Variants in GLI2 observed in about 807,000 individuals in gnomAD.
The protein encoded by GLI2 is GLI family zinc finger 2, also known as transcription activator GLI2.
In GLI2, 22 loss-of-function variants were observed where a neutral mutation model predicts 78.9. That is an observed-to-expected ratio of 0.28 (90% confidence interval 0.20 to 0.40). The LOEUF is 0.40. Ranked by LOEUF, GLI2 falls within the 10% of genes least tolerant of loss-of-function variation. The pLI is 1.00. For synonymous variants in GLI2, 974 were observed against 963.7 expected (o/e 1.01, Z -0.20); for missense variants, 2,097 against 2,213.2 (o/e 0.95, Z 1.05).
intron 3 of GLI2, among the ~76,000 whole-genome samples, chr2:120,946,092 A>G (rs1680697788): frequency 6.6e-6 from 1 of 151,894 alleles, no homozygotes; most frequent in African/African-American, 2.4e-5. Flanking sequence ...CCCTAATGTC[A>G]CCTTCTCTGA....
chr2:120,796,228 C>A (rs1458160891), intron 1 of GLI2, among the ~76,000 whole-genome samples: 1 of 152,152 alleles, frequency 6.6e-6, no homozygotes, highest in Non-Finnish European at 1.5e-5. Flanking sequence ...CACTTTCCAT[C>A]CCTCCTTATC....
At chr2:120,743,425 G>A (rs970743291) in intron 1 of GLI2, among the ~76,000 whole-genome samples, 16 of 152,078 alleles carry the variant, frequency 1.1e-4, no homozygotes, top group South Asian at 4.2e-4. Context: ...GCAACATAGC[G>A]ATACCCTGTC....
intron 2 of GLI2, among the ~76,000 whole-genome samples, chr2:120,870,609 C>G (rs1261725334): frequency 6.6e-6 from 1 of 152,160 alleles, no homozygotes; most frequent in Non-Finnish European, 1.5e-5. Context: ...TGGCTCACAC[C>G]TGTGTTGCTT....
chr2:120,861,370 G>T (rs1318807551), intron 2 of GLI2, among the ~76,000 whole-genome samples: 1 of 152,194 alleles, frequency 6.6e-6, no homozygotes, highest in Non-Finnish European at 1.5e-5. Context: ...CTTCCTGGAG[G>T]CACCTCCTGT....
At position 120,874,099 on chromosome 2, in the gene GLI2, G is replaced by A. The variant is rs551412610; in HGVS notation, c.149-53262G>A. On this transcript the variant is annotated intron_variant, in intron 2 of 13. Coordinates refer to ENST00000361492, the MANE Select transcript of GLI2 (RefSeq NM_001374353.1). ...CCTCCTCCTCACCCCAGAGGCTCCC[G>A]GCTGCACACAGCTGGCCAGAGTGAC... 3.9e-5 allele frequency among the ~76,000 whole-genome samples: 6 copies of A among 152,168 alleles called. No homozygotes were observed. The South Asian group carries it at 1.0e-3, about 26-fold the overall frequency.
chr2:120,917,322 A>G (rs902246970), intron 2 of GLI2, among the ~76,000 whole-genome samples: 1 of 152,376 alleles, frequency 6.6e-6, no homozygotes, highest in East Asian at 1.9e-4. Flanking sequence ...CTCTCTGTTG[A>G]GACTGGGGAG....
intron 5 of GLI2, among the ~76,000 whole-genome samples, chr2:120,959,579 G>A (rs192248748): frequency 2.0e-5 from 3 of 152,348 alleles, no homozygotes; most frequent in African/African-American, 7.2e-5. Flanking sequence ...TCCGAGGCCT[G>A]TGTGGACGGT....
In GLI2 at chr2:120,989,106, C is replaced by G. The variant is rs756394134; in HGVS notation, c.3141C>G (p.Asp1047Glu). 1.2e-6 allele frequency: 2 copies of G among 1,612,760 alleles called. No homozygotes were observed. The highest frequency in any genetic ancestry group is 8.5e-7 in the Non-Finnish European group (1 of 1,179,938). The stretch of plus-strand genomic sequence containing the variant: ...CGGAGGACGACCTGGTGCTTCCAGA[C>G]GACGTGGTGCAGTACATCAAGGCGC... Reference protein sequence around the residue: ...GLPEDDLVLPDDVVQYIKAHA... With the variant: ...GLPEDDLVLPEDVVQYIKAHA... The change falls in exon 14 of 14, where the codon GAC becomes GAG. Residue 1047 changes from aspartate to glutamate, a missense_variant. Transcript: ENST00000361492.
In GLI2 at chr2:120,990,968, G is replaced by T; in HGVS notation, c.*293G>T. 1 of 390,506 alleles carries T rather than the reference G, an allele frequency of 2.6e-6. No homozygotes were observed. Among genetic ancestry groups the T allele is most frequent in the Non-Finnish European group, 4.6e-6 (1 of 217,798 alleles). 24.2% of individuals were successfully genotyped at this position (390,506 alleles called of 1,614,324 possible). A position where few individuals can be genotyped will look rare whatever the true frequency, so the allele number is the denominator to read the frequency against. ...GGTGCTTACAGGACCGCGCTGTTCC[G>T]GCTTCTTCACGGCTGACATTCGGCT... On this transcript the variant is annotated 3_prime_UTR_variant, in exon 14 of 14. Coordinates refer to ENST00000361492, the MANE Select transcript of GLI2 (RefSeq NM_001374353.1).
At position 120,739,115 on chromosome 2, in the gene GLI2, G is replaced by T. The variant is rs1279425016; in HGVS notation, c.-31+2830G>T. ...GTACTGTAGCTGGCTTGTTTGCACT[G>T]CAGACTGAAAAATACACAAATACTT... On this transcript the variant is annotated intron_variant, in intron 1 of 13. Transcript: ENST00000361492. 3.3e-5 allele frequency among the ~76,000 whole-genome samples: 5 copies of T among 152,300 alleles called. No individual in the cohort carries two copies. The East Asian group carries it at 9.7e-4, about 29-fold the overall frequency.
intron 2 of GLI2, among the ~76,000 whole-genome samples, chr2:120,826,591 C>G (rs939496091): frequency 2.0e-5 from 3 of 152,140 alleles, no homozygotes; most frequent in African/African-American, 7.2e-5. Flanking sequence ...CATGTATGGT[C>G]TTTCGTGTCT....
chr2:120,881,541 G>GC, intron 2 of GLI2, among the ~76,000 whole-genome samples: 1 of 139,896 alleles, frequency 7.1e-6, no homozygotes. Flanking sequence ...GGAGGACAGT[G>GC]GGGGAAAGAC....
chr2:120,989,144 C>G lies in GLI2; in HGVS notation c.3179C>G (p.Ala1060Gly). 6.2e-7 allele frequency: 1 copy of G among 1,613,074 alleles called. No homozygotes were observed. ...VQYIKAHASGALDEGTGQVYP... is the reference protein window; with the variant it reads ...VQYIKAHASGGLDEGTGQVYP... ...TACATCAAGGCGCACGCCAGTGGCG[C>G]TCTGGACGAGGGCACCGGGCAGGTG... The change falls in exon 14 of 14, where the codon GCT (alanine) becomes GGT (glycine). Residue 1060 changes from alanine (A) to glycine (G), a missense_variant. This residue lies in a region of GLI2 where 1,290 missense variants were observed against 1,261.7 expected (regional missense o/e 1.02). Transcript: ENST00000361492.
intron 2 of GLI2, among the ~76,000 whole-genome samples, chr2:120,841,101 T>C (rs1259632484): frequency 2.6e-5 from 4 of 152,196 alleles, no homozygotes; most frequent in Non-Finnish European, 5.9e-5. Context: ...TACGCTGTTG[T>C]TTTTCCTATG....
At chr2:120,983,946 GGTGTGTGT>G (rs5833859) in intron 11 of GLI2, among the ~76,000 whole-genome samples, 2 of 143,124 alleles carry the variant, frequency 1.4e-5, no homozygotes, top group Non-Finnish European at 3.0e-5. Context: ...TGGTGTGTGG[GGTGTGTGT>G]GTGTGTGTGT....
chr2:120,837,570 G>A (rs1209968840), intron 2 of GLI2, among the ~76,000 whole-genome samples: 3 of 152,120 alleles, frequency 2.0e-5, no homozygotes, highest in Non-Finnish European at 4.4e-5. Context: ...TGTATTTTAG[G>A]AGGTTCTTTC....
At chr2:120,896,410 G>A (rs1037428276) in intron 2 of GLI2, among the ~76,000 whole-genome samples, 2 of 152,170 alleles carry the variant, frequency 1.3e-5, no homozygotes, top group African/African-American at 4.8e-5. Flanking sequence ...GTGGGATCCG[G>A]CATGTCTCAG....
At chr2:120,928,398 C>T (rs574160524) in intron 3 of GLI2, among the ~76,000 whole-genome samples, 2 of 152,306 alleles carry the variant, frequency 1.3e-5, no homozygotes, top group Non-Finnish European at 2.9e-5. Context: ...TCCTCAGGGG[C>T]AGTGTGATCC....
At chr2:120,916,269 G>C (rs1411705430) in intron 2 of GLI2, among the ~76,000 whole-genome samples, 3 of 152,246 alleles carry the variant, frequency 2.0e-5, no homozygotes, top group Admixed American at 2.0e-4. Context: ...ACGCCAGCAA[G>C]AGATGTTCCT....
Sources: allele counts gnomAD v4.1 joint callset (sites outside exome capture counted in the v4.1 genomes callset), GRCh38; gene constraint gnomAD v4.1.1; regional missense constraint gnomAD v4.1.1; transcripts MANE v1.5; gene names NCBI Gene and HGNC (gene_info 2026-07-23, HGNC 2026-07-21).